GLT6D1: variants seen among roughly 807,000 people sequenced by gnomAD.
The protein encoded by GLT6D1 is glycosyltransferase 6 domain containing 1, also known as putative glycosyltransferase 6 domain-containing protein 1.
Under a neutral mutation model 12.3 loss-of-function variants are expected in GLT6D1, and 9 were observed. The ratio of observed to expected loss-of-function variants is 0.73; its 90% CI spans 0.44 to 1.27. The LOEUF (loss-of-function observed/expected upper bound fraction) is 1.27. GLT6D1 is among the 50% of genes most tolerant of loss of function. The probability of loss-of-function intolerance (pLI) is 0.00; values close to 1 mark genes in which losing one functional copy is unlikely to be tolerated. For missense variants in GLT6D1, 335 were observed against 346.2 expected, an observed-to-expected ratio of 0.97 and a Z score of 0.26; for synonymous variants, 128 against 132.3, an observed-to-expected ratio of 0.97 and a Z score of 0.23.
intron 3 of GLT6D1, 41 bp downstream of exon 3, chr9:135,631,390 A>G (rs779267028): frequency 7.4e-6 from 11 of 1,478,904 alleles, no homozygotes; most frequent in Non-Finnish European, 9.5e-6. Context: ...ATTGAAGTAT[A>G]TTGTTTGTGT....
intron 2 of GLT6D1, among the ~76,000 whole-genome samples, chr9:135,631,769 A>G (rs1233533006): frequency 1.3e-5 from 2 of 152,228 alleles, no homozygotes; most frequent in African/African-American, 2.4e-5. Flanking sequence ...CAGCTAAGAG[A>G]ATGTATATTC....
chr9:135,634,960 G>A (rs769954977), intron 2 of GLT6D1, among the ~76,000 whole-genome samples: 47 of 152,314 alleles, frequency 3.1e-4, no homozygotes, highest in Admixed American at 1.4e-3. Flanking sequence ...AAAGCGCTGC[G>A]CGCAACCCAA....
chr9:135,626,169 C>T lies in GLT6D1; in HGVS notation c.157G>A (p.Ala53Thr), dbSNP rs202181415. ...AAAGTCCCTTCCCATAGGACAGGAG[C>T]GAGCCAGTCTGTTTTCGTTATAACA... ...PDVITKTDWL[A>T]PVLWEGTFDR... The change falls in exon 4 of 5, where the codon GCT (alanine) becomes ACT (threonine). Residue 53 changes from alanine to threonine, a missense_variant. Physicochemically the swap from Ala to Thr is moderately conservative, Grantham distance 58. Transcript: ENST00000371763. 6.3e-6 allele frequency: 10 copies of T among 1,592,550 alleles called. No individual in the cohort carries two copies. Among genetic ancestry groups the T allele is most frequent in the African/African-American group, 5.4e-5 (4 of 74,348 alleles).
At chr9:135,629,386 C>G (rs1410558006) in intron 3 of GLT6D1, among the ~76,000 whole-genome samples, 4 of 151,942 alleles carry the variant, frequency 2.6e-5, no homozygotes, top group Non-Finnish European at 5.9e-5. Context: ...TAGGAGTGAA[C>G]TGTTAAATTT....
chr9:135,637,316 T>C (rs1183055262), intron 2 of GLT6D1, among the ~76,000 whole-genome samples: 2 of 149,196 alleles, frequency 1.3e-5, no homozygotes, highest in African/African-American at 5.0e-5. Flanking sequence ...AGTATGTTAG[T>C]GGTTTGAGGC....
chr9:135,631,135 A>T lies in GLT6D1; in HGVS notation c.119+296T>A, dbSNP rs576365308. Among the ~76,000 whole-genome samples the T allele has an allele frequency of 7.9e-5, 12 of 152,338 alleles. No individual in the cohort carries two copies. In the South Asian group the frequency reaches 2.5e-3, roughly 32 times the overall value. ...GAGGCTGCCCCTGAGTGCTGCCACC[A>T]AAGTCAAGCAGCGTCATCAGTGGCA... On this transcript the variant is annotated intron_variant, in intron 3 of 4. Coordinates refer to ENST00000371763, the MANE Select transcript of GLT6D1 (RefSeq NM_182974.3).
intron 4 of GLT6D1, 104 bp downstream of exon 4, chr9:135,625,965 A>C (rs1833504271): frequency 1.5e-6 from 2 of 1,298,870 alleles, no homozygotes; most frequent in Non-Finnish European, 2.2e-6. Context: ...TATTGTTATC[A>C]CTAATTATGC....
At chr9:135,626,528 C>G (rs1017743882) in intron 3 of GLT6D1, among the ~76,000 whole-genome samples, 1 of 152,338 alleles carries the variant, frequency 6.6e-6, no homozygotes, top group East Asian at 1.9e-4. Flanking sequence ...AGCCCAGGAG[C>G]TGCCTTTTCC....
intron 3 of GLT6D1, among the ~76,000 whole-genome samples, chr9:135,629,716 C>G (rs1833594024): frequency 6.6e-6 from 1 of 152,158 alleles, no homozygotes; most frequent in Non-Finnish European, 1.5e-5. Context: ...GTTGAATTGT[C>G]AATTTCTCCC....
chr9:135,628,527 A>G (rs1367824785), intron 3 of GLT6D1, among the ~76,000 whole-genome samples: 1 of 152,062 alleles, frequency 6.6e-6, no homozygotes, highest in African/African-American at 2.4e-5. Context: ...ATTTATATTC[A>G]TATGGGATAT....
intron 4 of GLT6D1, among the ~76,000 whole-genome samples, chr9:135,625,741 T>C (rs1040406998): frequency 6.6e-6 from 1 of 152,144 alleles, no homozygotes; most frequent in Non-Finnish European, 1.5e-5. Context: ...CTGGGAAGAT[T>C]GTGACCCCAA....
chr9:135,631,393 G>A, intron 3 of GLT6D1, 38 bp downstream of exon 3: 1 of 1,502,818 alleles, frequency 6.7e-7, no homozygotes. Context: ...GAAGTATATT[G>A]TTTGTGTGTG....
In GLT6D1 at chr9:135,624,465, C is replaced by T; in HGVS notation, c.463G>A (p.Gly155Ser). Residue 155 changes from glycine (G) to serine (S), a missense_variant, in exon 5 of 5, where the codon GGT (glycine) becomes AGT (serine). Coordinates refer to ENST00000371763, the MANE Select transcript of GLT6D1 (RefSeq NM_182974.3). ...TGGATGTGACTGGCGATGTGTTCAC[C>T]CAGGCTCTTCACATGCACCAGGGGG... ...DGPLVHVKSL[G>S]EHIASHIQDE... 1 of 1,614,050 alleles carries T rather than the reference C, an allele frequency of 6.2e-7. No homozygotes were observed. The highest frequency in any genetic ancestry group is 8.5e-7 in the Non-Finnish European group (1 of 1,180,014).
chr9:135,629,932 T>C (rs930509518), intron 3 of GLT6D1, among the ~76,000 whole-genome samples: 9 of 152,214 alleles, frequency 5.9e-5, no homozygotes, highest in Non-Finnish European at 1.3e-4. Context: ...TTGCTGTTTG[T>C]ATGGTATACA....
Position 135,634,554 on chromosome 9 carries a change from G to A in GLT6D1, c.72-3076C>T, listed in dbSNP as rs556293978. Among the ~76,000 whole-genome samples the A allele has an allele frequency of 2.8e-5, 4 of 141,966 alleles. No individual in the cohort carries two copies. In the East Asian group the frequency reaches 9.1e-4, roughly 32 times the overall value. The allele number at this position is 141,966 out of a possible 152,430, so 93.1% of individuals were successfully genotyped here. ...TTCAGCTTTACAAAAACGTTCTAAA[G>A]CTAGTATGCGGAATCCCCTGCACCA... On this transcript the variant is annotated intron_variant, in intron 2 of 4. Coordinates refer to ENST00000371763, the MANE Select transcript of GLT6D1 (RefSeq NM_182974.3).
intron 4 of GLT6D1, 42 bp downstream of exon 4, chr9:135,626,027 A>AT: frequency 6.2e-7 from 1 of 1,607,788 alleles, no homozygotes. Flanking sequence ...GCTGATCCAC[A>AT]TTTTCCCAAA....
At position 135,632,137 on chromosome 9, in the gene GLT6D1, A is replaced by ATTTTT. The variant is rs10686489; in HGVS notation, c.72-664_72-660dup. Among the ~76,000 whole-genome samples, 838 of 144,138 alleles carry ATTTTT rather than the reference A, an allele frequency of 5.8e-3. 12 individuals are homozygous for ATTTTT. Among genetic ancestry groups the ATTTTT allele is most frequent in the East Asian group, 0.016 (78 of 4,824 alleles). The allele number at this position is 144,138 out of a possible 152,430, so 94.6% of individuals were successfully genotyped here. ...CCTCTGTTTCATAACCCTGGGAGCA[A>ATTTTT]TTTTTTTTTTTTTGAGACAGGCTCT... On this transcript the variant is annotated intron_variant, in intron 2 of 4. Coordinates refer to ENST00000371763, the MANE Select transcript of GLT6D1 (RefSeq NM_182974.3).
intron 2 of GLT6D1, among the ~76,000 whole-genome samples, chr9:135,638,562 T>A (rs1833828975): frequency 6.6e-6 from 1 of 152,176 alleles, no homozygotes; most frequent in African/African-American, 2.4e-5. Flanking sequence ...AAATATTATA[T>A]CCCTGGCATT....
intron 3 of GLT6D1, among the ~76,000 whole-genome samples, chr9:135,629,141 G>C (rs11103108): frequency 0.49 from 74,014 of 151,664 alleles, 18,220 homozygotes; most frequent in East Asian, 0.61. Flanking sequence ...ATTTTCCTTA[G>C]TGTATAAAGT....
Sources: allele counts gnomAD v4.1 joint callset (sites outside exome capture counted in the v4.1 genomes callset), GRCh38; gene constraint gnomAD v4.1.1; transcripts MANE v1.5; gene names NCBI Gene and HGNC (gene_info 2026-07-23, HGNC 2026-07-21).